Variants in YLPM1 observed in about 807,000 individuals in gnomAD.
YLPM1 encodes the protein YLP motif containing 1, also known as YLP motif-containing protein 1.
YLPM1 carries 99 observed loss-of-function variants against 230.0 expected under a neutral mutation model. The ratio of observed to expected loss-of-function variants is 0.43; its 90% CI spans 0.37 to 0.51. The LOEUF (loss-of-function observed/expected upper bound fraction) is 0.51. Among genes scored for constraint, YLPM1 ranks in the 20% least tolerant of loss-of-function variants. The probability of loss-of-function intolerance (pLI) is 0.00; values close to 1 mark genes in which losing one functional copy is unlikely to be tolerated. For missense variants in YLPM1, 2,592 were observed against 2,707.7 expected (o/e 0.96, Z 0.95); for synonymous variants, 984 against 942.5 (o/e 1.04, Z -0.81).
intron 1 of YLPM1, among the ~76,000 whole-genome samples, chr14:74,771,215 T>C (rs1406977985): frequency 2.0e-5 from 3 of 152,178 alleles, no homozygotes; most frequent in African/African-American, 7.2e-5. Flanking sequence ...CAAATGGAGA[T>C]GTCCACTTGG....
At chr14:74,786,998 T>C (rs1309700945) in intron 4 of YLPM1, among the ~76,000 whole-genome samples, 1 of 152,208 alleles carries the variant, frequency 6.6e-6, no homozygotes, top group Non-Finnish European at 1.5e-5. Context: ...GCAATCCTAG[T>C]GGATGTTTAG....
intron 9 of YLPM1, among the ~76,000 whole-genome samples, chr14:74,810,936 A>AC (rs2091428238): frequency 6.6e-6 from 1 of 151,622 alleles, no homozygotes; most frequent in African/African-American, 2.4e-5. Flanking sequence ...TGATCCTCCC[A>AC]CCTCAGTCTC....
Position 74,816,675 on chromosome 14 carries a change from G to T in YLPM1, c.5670G>T (p.Lys1890Asn). Residue 1890 changes from lysine to asparagine, a missense_variant, in exon 13 of 21, where the codon AAG becomes AAT. Physicochemically the swap from Lys to Asn is moderately conservative, Grantham distance 94 (BLOSUM62 0). This residue lies in a region of YLPM1 where 315 missense variants were observed against 429.3 expected (regional missense o/e 0.73). Transcript: ENST00000325680. ...EKEEKDPDSG[K>N]KVKKKVMEYE... The stretch of plus-strand genomic sequence containing the variant: ...AAGAAAAAGATCCAGATTCTGGAAA[G>T]AAAGTGAAAAAGAAGGTATGGTATT... 1 of 1,612,310 alleles carries T rather than the reference G, an allele frequency of 6.2e-7. No homozygotes were observed.
In YLPM1 at chr14:74,817,234, G is replaced by T. The variant is rs761297660; in HGVS notation, c.5903G>T (p.Gly1968Val). 1.8e-5 allele frequency: 29 copies of T among 1,600,610 alleles called. No homozygotes were observed. The Middle Eastern group carries it at 1.8e-3, about 100-fold the overall frequency. ...AEMSADNQTCGKRNIHGRKLK... is the reference protein window; with the variant it reads ...AEMSADNQTCVKRNIHGRKLK... ...ATGAGTGCAGATAACCAGACTTGTG[G>T]CAAGAGAAATATTCATGGAAGAAAG... Residue 1968 changes from glycine to valine, a missense_variant, in exon 15 of 21, where the codon GGC becomes GTC. Gly to Val is a moderately radical substitution (Grantham distance 109). Around this residue, in one of 4 missense-constraint regions of YLPM1, gnomAD observed 315 missense variants for 429.3 expected, o/e 0.73. Coordinates refer to ENST00000325680, the MANE Select transcript of YLPM1 (RefSeq NM_019589.3).
chr14:74,798,183 AG>A lies in YLPM1; in HGVS notation c.2892del (p.Met965TrpfsTer7). On this transcript the variant is annotated frameshift_variant, in exon 5 of 21. Coordinates refer to ENST00000325680, the MANE Select transcript of YLPM1 (RefSeq NM_019589.3). LOFTEE classifies it high-confidence loss of function. ...CTCAATCTACTTTTCCTTCAAAAAC[AG>A]GGGGGATGGAGGGAGGAACAGCAGT... ...PAQSTFPSKT[G>X]GMEGGTAVAT... The A allele has an allele frequency of 6.2e-7, 1 of 1,613,928 alleles. No individual in the cohort carries two copies. Among genetic ancestry groups the A allele is most frequent in the Non-Finnish European group, 8.5e-7 (1 of 1,179,864 alleles).
At position 74,829,284 on chromosome 14, in the gene YLPM1, G is replaced by GATTATT; in HGVS notation, c.6240_6241insTATTAT (p.Tyr2080_Leu2081insTyrTyr). On this transcript the variant is annotated inframe_insertion, in exon 19 of 21. Coordinates refer to ENST00000325680, the MANE Select transcript of YLPM1 (RefSeq NM_019589.3). Reference sequence around the variant, plus strand: ...GGAGGCCATTGCCAGCAGAATGGAGGATTATCTTCAGCTCCCCGATGATTA... The same window carrying GATTATT: ...GGAGGCCATTGCCAGCAGAATGGAGGATTATTATTATCTTCAGCTCCCCGATGATTA... The GATTATT allele has an allele frequency of 3.7e-6, 6 of 1,613,310 alleles. No individual in the cohort carries two copies. The highest frequency in any genetic ancestry group is 5.1e-6 in the Non-Finnish European group (6 of 1,179,436).
At chr14:74,808,201 C>T (rs1225916952) in intron 6 of YLPM1, among the ~76,000 whole-genome samples, 1 of 152,154 alleles carries the variant, frequency 6.6e-6, no homozygotes, top group Admixed American at 6.5e-5. Flanking sequence ...TATAGATTTG[C>T]CTTTCTGGGC....
intron 18 of YLPM1, among the ~76,000 whole-genome samples, chr14:74,826,709 C>A (rs1211779548): frequency 3.9e-5 from 6 of 152,230 alleles, no homozygotes; most frequent in Non-Finnish European, 7.3e-5. Context: ...GCCTGAGCTA[C>A]CTCTGGCATG....
intron 1 of YLPM1, among the ~76,000 whole-genome samples, chr14:74,768,288 C>T (rs565601698): frequency 3.9e-5 from 6 of 152,226 alleles, no homozygotes; most frequent in African/African-American, 7.2e-5. Flanking sequence ...CTCACTCTGT[C>T]GCTCAGGCTG....
intron 12 of YLPM1, 45 bp downstream of exon 12, chr14:74,816,310 G>GT (rs771317745): frequency 6.9e-5 from 108 of 1,574,710 alleles, no homozygotes; most frequent in Non-Finnish European, 8.8e-5. Context: ...TGCTGCTTGT[G>GT]TTAGTAGTCA....
At position 74,763,904 on chromosome 14, in the gene YLPM1, G is replaced by C. The variant is rs2090878128; in HGVS notation, c.415G>C (p.Val139Leu). ...CCAACGAGACGGGCCTCCTGGTTTGGTTCCAATGGAGCTGGAATCCCCCCC... is the reference window on the plus strand; with the variant it reads ...CCAACGAGACGGGCCTCCTGGTTTGCTTCCAATGGAGCTGGAATCCCCCCC... ...HHQRDGPPGL[V>L]PMELESPPES... Residue 139 changes from valine to leucine, a missense_variant, in exon 1 of 21, where the codon GTT becomes CTT. Transcript: ENST00000325680. 4 of 1,564,164 alleles carry C rather than the reference G, an allele frequency of 2.6e-6. No homozygotes were observed. The highest frequency in any genetic ancestry group is 2.7e-5 in the African/African-American group (2 of 73,344).
At chr14:74,780,308 T>A (rs2091080342) in intron 2 of YLPM1, 97 bp from the exon 3 acceptor site, 3 of 1,426,434 alleles carry the variant, frequency 2.1e-6, no homozygotes, top group Non-Finnish European at 2.8e-6. Context: ...TGGATATTTC[T>A]GAGTTGTAGG....
rs369128549 is a variant in YLPM1, at chr14:74,772,687, C to T, written c.874-5760C>T. Among the ~76,000 whole-genome samples, 4 of 152,192 alleles carry T rather than the reference C, an allele frequency of 2.6e-5. No individual in the cohort carries two copies. In the South Asian group the frequency reaches 6.2e-4, roughly 24 times the overall value. On this transcript the variant is annotated intron_variant, in intron 1 of 20. Coordinates refer to ENST00000325680, the MANE Select transcript of YLPM1 (RefSeq NM_019589.3). ...TTCTACATTCTTTATGTTTGAAATC[C>T]CTTCATTCAATCTCGTTTTAAATGT...
chr14:74,776,988 G>C (rs1205673206), intron 1 of YLPM1, among the ~76,000 whole-genome samples: 5 of 152,046 alleles, frequency 3.3e-5, no homozygotes, highest in Non-Finnish European at 5.9e-5. Flanking sequence ...CACAGGAGGC[G>C]GAGGTGGCAG....
At chr14:74,767,562 T>C (rs2090925135) in intron 1 of YLPM1, among the ~76,000 whole-genome samples, 1 of 152,208 alleles carries the variant, frequency 6.6e-6, no homozygotes, top group African/African-American at 2.4e-5. Flanking sequence ...CCCTGACCTC[T>C]ACCCATTAGA....
At chr14:74,792,424 G>C (rs1159620602) in intron 4 of YLPM1, among the ~76,000 whole-genome samples, 1 of 152,170 alleles carries the variant, frequency 6.6e-6, no homozygotes, top group Non-Finnish European at 1.5e-5. Flanking sequence ...TAATCTTGTA[G>C]TCTCAGGAGA....
At position 74,799,169 on chromosome 14, in the gene YLPM1, A is replaced by T; in HGVS notation, c.3872A>T (p.Asp1291Val). The T allele has an allele frequency of 6.2e-7, 1 of 1,613,954 alleles. No homozygotes were observed. The highest frequency in any genetic ancestry group is 8.5e-7 in the Non-Finnish European group (1 of 1,179,870). Residue 1291 changes from aspartate to valine, a missense_variant, in exon 5 of 21, where the codon GAT becomes GTT. By Grantham distance (152) the Asp-to-Val change is radical. This residue lies in a region of YLPM1 where 1,862 missense variants were observed against 1,819.8 expected (regional missense o/e 1.02). Transcript: ENST00000325680. The stretch of plus-strand genomic sequence containing the variant: ...GAAAGGGACATGGACAGGGATGTGG[A>T]TCGGATTTCAAGACCTATGGATATG... ...EMERDMDRDV[D>V]RISRPMDMYD... is the part of the protein sequence containing the mutation.
At chr14:74,774,449 A>G (rs1438993475) in intron 1 of YLPM1, among the ~76,000 whole-genome samples, 1 of 152,112 alleles carries the variant, frequency 6.6e-6, no homozygotes, top group East Asian at 1.9e-4. Flanking sequence ...TCTGTCGCCC[A>G]GGCTGGAGTG....
intron 6 of YLPM1, among the ~76,000 whole-genome samples, chr14:74,807,361 A>G (rs1229167249): frequency 1.3e-5 from 2 of 152,190 alleles, no homozygotes; most frequent in East Asian, 3.9e-4. Flanking sequence ...AGAAATGGGA[A>G]GTAAGTGTTT....
Sources: allele counts gnomAD v4.1 joint callset (sites outside exome capture counted in the v4.1 genomes callset), GRCh38; gene constraint gnomAD v4.1.1; regional missense constraint gnomAD v4.1.1; transcripts MANE v1.5; gene names NCBI Gene and HGNC (gene_info 2026-07-23, HGNC 2026-07-21).